COP1: variants seen among roughly 807,000 people sequenced by gnomAD.
COP1 encodes COP1 E3 ubiquitin ligase.
A neutral mutation model predicts 101.3 loss-of-function variants in COP1; 24 were observed. The observed-to-expected ratio is 0.24, with a 90% CI of 0.17 to 0.33. The LOEUF (loss-of-function observed/expected upper bound fraction) is 0.33. Among genes scored for constraint, COP1 ranks in the 10% least tolerant of loss-of-function variants. The pLI is 1.00. For missense variants in COP1, 663 were observed against 906.2 expected, an observed-to-expected ratio of 0.73 and a Z score of 3.45; for synonymous variants, 347 against 341.9, an observed-to-expected ratio of 1.01 and a Z score of -0.17.
chr1:176,100,813 A>C lies in COP1; in HGVS notation c.1027-14923T>G, dbSNP rs1020669265. ...CCTTGTTGGAGCAGGACTCAATTCC[A>C]CAGCTTCACCATAGCATTCAGCTTA... On this transcript the variant is annotated intron_variant, in intron 9 of 19. Transcript: ENST00000367669. 3.3e-5 allele frequency among the ~76,000 whole-genome samples: 5 copies of C among 152,286 alleles called. No individual in the cohort carries two copies. The South Asian group carries it at 6.2e-4, about 19-fold the overall frequency.
intron 15 of COP1, among the ~76,000 whole-genome samples, chr1:176,004,632 C>A (rs1662629237): frequency 6.6e-6 from 1 of 151,940 alleles, no homozygotes; most frequent in African/African-American, 2.4e-5. Flanking sequence ...GTCTTTGGCT[C>A]TGTTTATATG....
At chr1:176,205,109 G>C (rs2102320461) in intron 1 of COP1, among the ~76,000 whole-genome samples, 1 of 152,260 alleles carries the variant, frequency 6.6e-6, no homozygotes, top group Non-Finnish European at 1.5e-5. Flanking sequence ...CTTACACGGA[G>C]GCTAACATGT....
At chr1:176,124,370 ATTTTT>A (rs61307325) in intron 8 of COP1, among the ~76,000 whole-genome samples, 1 of 146,906 alleles carries the variant, frequency 6.8e-6, no homozygotes, top group African/African-American at 2.5e-5. Context: ...ATTTTAATTA[ATTTTT>A]TTTTTTTATC....
intron 11 of COP1, among the ~76,000 whole-genome samples, chr1:176,080,068 T>C (rs1678822964): frequency 6.6e-6 from 1 of 151,914 alleles, no homozygotes; most frequent in South Asian, 2.1e-4. Flanking sequence ...GCCTCAGTAA[T>C]CATGGGTCGA....
intron 1 of COP1, among the ~76,000 whole-genome samples, chr1:176,197,533 C>G (rs547967599): frequency 6.6e-6 from 1 of 152,244 alleles, no homozygotes; most frequent in East Asian, 1.9e-4. Context: ...GCCACCTAGT[C>G]TGTTGTATTT....
chr1:176,036,473 C>T (rs1379627837), intron 14 of COP1, among the ~76,000 whole-genome samples: 1 of 145,736 alleles, frequency 6.9e-6, no homozygotes, highest in Non-Finnish European at 1.5e-5. Context: ...GACTTCATCA[C>T]AGCTTCTCAG....
chr1:176,107,388 G>A (rs1001073353), intron 9 of COP1, among the ~76,000 whole-genome samples: 7 of 152,002 alleles, frequency 4.6e-5, no homozygotes, highest in Admixed American at 2.0e-4. Context: ...AGGTCAGTAC[G>A]GAATGAAGCT....
chr1:176,171,734 A>G (rs2101870609), intron 3 of COP1, among the ~76,000 whole-genome samples: 1 of 152,346 alleles, frequency 6.6e-6, no homozygotes, highest in Non-Finnish European at 1.5e-5. Flanking sequence ...AAGTACAATA[A>G]AAGTATGCCT....
intron 11 of COP1, among the ~76,000 whole-genome samples, chr1:176,056,564 G>C (rs577446537): frequency 1.8e-4 from 28 of 152,078 alleles, no homozygotes; most frequent in Non-Finnish European, 2.9e-4. Context: ...TTTCTAGCCT[G>C]AATTAAACCT....
intron 9 of COP1, among the ~76,000 whole-genome samples, chr1:176,101,256 A>T (rs926603089): frequency 6.6e-6 from 1 of 151,912 alleles, no homozygotes; most frequent in Non-Finnish European, 1.5e-5. Flanking sequence ...AAAGAGGAAC[A>T]CCTCACTTTC....
chr1:176,165,710 T>C (rs1418738511), intron 3 of COP1, among the ~76,000 whole-genome samples: 2 of 151,774 alleles, frequency 1.3e-5, no homozygotes, highest in Non-Finnish European at 2.9e-5. Flanking sequence ...AATAAACAAG[T>C]AAGTAAGTAA....
At chr1:176,154,366 T>G (rs550488400) in intron 5 of COP1, among the ~76,000 whole-genome samples, 2 of 152,118 alleles carry the variant, frequency 1.3e-5, no homozygotes, top group Admixed American at 1.3e-4. Flanking sequence ...CTATTTACAA[T>G]AGCAAAGACA....
chr1:176,199,486 G>C (rs1217163452), intron 1 of COP1, among the ~76,000 whole-genome samples: 3 of 151,964 alleles, frequency 2.0e-5, no homozygotes, highest in Non-Finnish European at 4.4e-5. Context: ...AATGCTTACA[G>C]AATTTTCTAA....
chr1:175,993,404 G>A (rs1381728530), intron 15 of COP1, among the ~76,000 whole-genome samples: 1 of 152,244 alleles, frequency 6.6e-6, no homozygotes, highest in East Asian at 1.9e-4. Context: ...GAATGGCTTT[G>A]ACGAGTTGAG....
chr1:176,043,977 C>T (rs866801081), intron 12 of COP1, among the ~76,000 whole-genome samples, 159 bp from the exon 13 acceptor site: 3 of 152,218 alleles, frequency 2.0e-5, no homozygotes, highest in Middle Eastern at 3.4e-3. Context: ...AAAGACATAC[C>T]AATAATTTTG....
chr1:175,949,695 C>T (rs1558153126), intron 18 of COP1, among the ~76,000 whole-genome samples: 2 of 152,194 alleles, frequency 1.3e-5, no homozygotes, highest in Admixed American at 1.3e-4. Context: ...AATGCTGCAG[C>T]CATCATGAAC....
At chr1:176,204,951 A>T (rs764474823) in intron 1 of COP1, among the ~76,000 whole-genome samples, 6 of 152,094 alleles carry the variant, frequency 3.9e-5, no homozygotes, top group Non-Finnish European at 7.4e-5. Context: ...TACTCTTTTA[A>T]AAAAAGAGTT....
At chr1:176,151,377 G>GAAAGAAAAATAAAGAAAGAAAAAGA (rs1553292884) in intron 5 of COP1, among the ~76,000 whole-genome samples, 2 of 109,802 alleles carry the variant, frequency 1.8e-5, no homozygotes, top group Admixed American at 8.2e-5. Context: ...AAGAAAGAAA[G>GAAAGAAAAATAAAGAAAGAAAAAGA]AAAGAAAGAA....
chr1:176,191,887 G>C (rs1418748854), intron 1 of COP1, among the ~76,000 whole-genome samples: 1 of 152,124 alleles, frequency 6.6e-6, no homozygotes, highest in East Asian at 1.9e-4. Context: ...GAGACGAGAG[G>C]TAAGGAAGAA....
Sources: gnomAD v4.1 joint callset for allele counts (sites outside exome capture counted in the v4.1 genomes callset) on GRCh38, gnomAD v4.1.1 for gene constraint, MANE v1.5 for transcripts, NCBI Gene and HGNC (gene_info 2026-07-23, HGNC 2026-07-21) for gene names.